SHPRH: variants seen among roughly 807,000 people sequenced by gnomAD.
SHPRH encodes the protein E3 ubiquitin-protein ligase SHPRH.
SHPRH carries 106 observed loss-of-function variants against 202.5 expected under a neutral mutation model. The observed-to-expected ratio is 0.52, with a 90% confidence interval of 0.45 to 0.62. The LOEUF (loss-of-function observed/expected upper bound fraction) is 0.62, where lower values mean the gene tolerates loss of function less well. Among genes scored for constraint, SHPRH ranks in the 20% least tolerant of loss-of-function variants. The pLI is 0.00. For synonymous variants in SHPRH, 729 were observed against 686.0 expected (o/e 1.06, Z -0.98); for missense variants, 1,710 against 2,020.0 (o/e 0.85, Z 2.94).
Position 145,876,496 on chromosome 6 carries a change from A to G in SHPRH, c.221+11524T>C, listed in dbSNP as rs547960100. Among the ~76,000 whole-genome samples, 4 of 152,318 alleles carry G rather than the reference A, an allele frequency of 2.6e-5. No homozygotes were observed. The South Asian group carries it at 6.2e-4, about 24-fold the overall frequency. ...AAGGTTCATCCATGTTGTAGCATGT[A>G]TAAGTATTTCATTTCTTTTTTGTCC... On this transcript the variant is annotated intron_variant, in intron 2 of 2. Coordinates refer to the SHPRH transcript ENST00000417762.
At chr6:145,952,280 C>T in intron 3 of SHPRH, 69 bp downstream of exon 3, 1 of 1,382,170 alleles carries the variant, frequency 7.2e-7, no homozygotes, top group South Asian at 1.5e-5. Context: ...ATTGTTATGT[C>T]CAGGGGTTAG....
intron 23 of SHPRH, chr6:145,917,559 T>C (rs1784065721): frequency 6.6e-6 from 1 of 151,186 alleles, no homozygotes; most frequent in Non-Finnish European, 1.5e-5. Flanking sequence ...TACTATATCT[T>C]GCCCCTAGAA....
intron 23 of SHPRH, among the ~76,000 whole-genome samples, chr6:145,916,886 G>A (rs955979711): frequency 1.3e-5 from 2 of 151,880 alleles, no homozygotes; most frequent in African/African-American, 2.4e-5. Flanking sequence ...AGGTTCAAGC[G>A]ATTCTCCTGC....
At chr6:145,958,562 A>G (rs1285631503) in intron 1 of SHPRH, among the ~76,000 whole-genome samples, 2 of 152,134 alleles carry the variant, frequency 1.3e-5, no homozygotes, top group Admixed American at 1.3e-4. Context: ...TGATGACTGA[A>G]CCTTTATTTA....
chr6:145,928,616 AT>A (rs905053167), intron 14 of SHPRH, among the ~76,000 whole-genome samples: 1 of 151,940 alleles, frequency 6.6e-6, no homozygotes, highest in African/African-American at 2.4e-5. Context: ...ACATATCTTG[AT>A]TTTGGTAAAA....
downstream of SHPRH, among the ~76,000 whole-genome samples, chr6:145,861,488 T>G (rs1779579244): frequency 1.3e-5 from 2 of 149,842 alleles, 1 homozygote; most frequent in South Asian, 4.2e-4. Context: ...TTCTGTACAC[T>G]GTTGGTGGGA....
chr6:145,952,333 T>C lies in SHPRH; in HGVS notation c.763+16A>G. 3.2e-6 allele frequency: 5 copies of C among 1,573,432 alleles called. No homozygotes were observed. Among genetic ancestry groups the C allele is most frequent in the Non-Finnish European group, 4.3e-6 (5 of 1,159,036 alleles). Reference sequence around the variant, plus strand: ...TCCTAAGTAATAGCAATTTTTAAGTTTACTGTAAATATTACCTGGAATAAT... The same window carrying C: ...TCCTAAGTAATAGCAATTTTTAAGTCTACTGTAAATATTACCTGGAATAAT... On this transcript the variant is annotated intron_variant, in intron 3 of 29. Coordinates refer to ENST00000275233, the MANE Select transcript of SHPRH (RefSeq NM_001042683.3).
In SHPRH at chr6:145,943,359, A is replaced by T. The variant is rs752112372; in HGVS notation, c.2022T>A (p.Arg674=). 2 of 1,613,986 alleles carry T rather than the reference A, an allele frequency of 1.2e-6. No individual in the cohort carries two copies. Among genetic ancestry groups the T allele is most frequent in the Non-Finnish European group, 1.7e-6 (2 of 1,179,956 alleles). Residue 674 remains arginine (R), a synonymous_variant, in exon 9 of 30, where the codon CGT becomes CGA. Transcript: ENST00000275233. ...GELDQIDRKP[R]VQCLKCHLWQ... Reference sequence around the variant, plus strand: ...ACAGGTGACACTTCAGGCATTGAACACGAGGCTTACGATCTATCTGATCAA... The same window carrying T: ...ACAGGTGACACTTCAGGCATTGAACTCGAGGCTTACGATCTATCTGATCAA...
intron 1 of SHPRH, among the ~76,000 whole-genome samples, chr6:145,958,153 C>A (rs1788697555): frequency 6.6e-6 from 1 of 151,900 alleles, no homozygotes; most frequent in Admixed American, 6.6e-5. Flanking sequence ...TTACCAGGGG[C>A]AAGGAAGTAT....
intron 23 of SHPRH, among the ~76,000 whole-genome samples, chr6:145,916,768 G>A (rs1272126729): frequency 6.6e-6 from 1 of 151,920 alleles, no homozygotes; most frequent in Non-Finnish European, 1.5e-5. Flanking sequence ...GTTCAGGAAT[G>A]TTGAGACATT....
At chr6:145,959,492 C>T (rs965792786) in intron 1 of SHPRH, among the ~76,000 whole-genome samples, 1 of 137,984 alleles carries the variant, frequency 7.2e-6, no homozygotes, top group African/African-American at 2.8e-5. Flanking sequence ...GCGGTACCAC[C>T]TAGGTTTGTG....
chr6:145,867,631 T>TATATAGAGAGAGAGAGAG (rs1554220329), intron 2 of SHPRH, among the ~76,000 whole-genome samples: 1 of 22,318 alleles, frequency 4.5e-5, no homozygotes, highest in Non-Finnish European at 7.5e-5. Context: ...TATATATATA[T>TATATAGAGAGAGAGAGAG]AGAGAGAGAG....
Position 145,935,391 on chromosome 6 carries a change from G to A in SHPRH, c.2620C>T (p.His874Tyr), listed in dbSNP as rs1303974296. The change falls in exon 12 of 30, where the codon CAC (histidine) becomes TAC (tyrosine). Residue 874 changes from histidine to tyrosine, a missense_variant. By Grantham distance (83) the His-to-Tyr change is moderately conservative. Coordinates refer to ENST00000275233, the MANE Select transcript of SHPRH (RefSeq NM_001042683.3). Reference protein sequence around the residue: ...FLGIEPYCVKHWWVRLLYRPY... With the variant: ...FLGIEPYCVKYWWVRLLYRPY... ...CGATAGAGAAGTCGAACCCACCAGT[G>A]TTTGACACAGTAAGGTTCAATACCA... 2 of 1,613,978 alleles carry A rather than the reference G, an allele frequency of 1.2e-6. No homozygotes were observed. The highest frequency in any genetic ancestry group is 1.7e-6 in the Non-Finnish European group (2 of 1,179,986).
At chr6:145,882,163 A>C (rs1042010479), downstream of SHPRH, among the ~76,000 whole-genome samples, 2 of 152,178 alleles carry the variant, frequency 1.3e-5, no homozygotes, top group African/African-American at 4.8e-5. Flanking sequence ...CATTTTAAGA[A>C]GGAAACTTGC....
intron 10 of SHPRH, among the ~76,000 whole-genome samples, 172 bp downstream of exon 10, chr6:145,941,451 G>A (rs1045031032): frequency 3.3e-5 from 5 of 152,124 alleles, no homozygotes. Flanking sequence ...ATTTCAAAGG[G>A]TTATGTAGTT....
In SHPRH at chr6:145,943,097, C is replaced by CA. The variant is rs779890106; in HGVS notation, c.2238+45dup. 38 of 1,515,296 alleles carry CA rather than the reference C, an allele frequency of 2.5e-5. No individual in the cohort carries two copies. The East Asian group carries it at 8.6e-4, about 34-fold the overall frequency. The allele number at this position is 1,515,296 out of a possible 1,614,324, so 93.9% of individuals were successfully genotyped here. Reference sequence around the variant, plus strand: ...AGATTAGGAAACTATCATGAAGAAGCAAAACTTTACATTTTCCTCTCCCTC... The same window carrying CA: ...AGATTAGGAAACTATCATGAAGAAGCAAAAACTTTACATTTTCCTCTCCCTC... On this transcript the variant is annotated intron_variant, in intron 9 of 29. Transcript: ENST00000275233.
chr6:145,940,686 T>A (rs771255166), intron 11 of SHPRH, 37 bp downstream of exon 11: 1 of 1,601,868 alleles, frequency 6.2e-7, no homozygotes, highest in Non-Finnish European at 8.5e-7. Flanking sequence ...ATGAAGCTTT[T>A]CAAATGCATG....
intron 3 of SHPRH, among the ~76,000 whole-genome samples, chr6:145,950,736 T>C (rs1312496179): frequency 6.6e-6 from 1 of 150,964 alleles, no homozygotes; most frequent in East Asian, 1.9e-4. Flanking sequence ...TTCTCCTCTG[T>C]GGATACAGTA....
chr6:145,884,971 T>C lies in SHPRH; in HGVS notation c.*1720A>G, dbSNP rs1780873436. The C allele has an allele frequency of 6.6e-6, 1 of 152,254 alleles. No homozygotes were observed. The highest frequency in any genetic ancestry group is 3.4e-3 in the Middle Eastern group (1 of 294). 9.4% of individuals were successfully genotyped at this position (152,254 alleles called of 1,614,324 possible). The stretch of plus-strand genomic sequence containing the variant: ...TAAAACATAGCTCAGAAAGGAATAG[T>C]AGAAAACAAACACAAAGAAATACTG... On this transcript the variant is annotated 3_prime_UTR_variant, in exon 30 of 30. Transcript: ENST00000275233.
Sources: allele counts gnomAD v4.1 joint callset (sites outside exome capture counted in the v4.1 genomes callset), GRCh38; gene constraint gnomAD v4.1.1; transcripts MANE v1.5; gene names NCBI Gene and HGNC (gene_info 2026-07-23, HGNC 2026-07-21).